Variants in FBXL17 observed in about 807,000 individuals in gnomAD.
FBXL17 encodes the protein F-box and leucine rich repeat protein 17.
In FBXL17, 22 loss-of-function variants were observed where a neutral mutation model predicts 66.2. The observed-to-expected ratio is 0.33, with a 90% CI of 0.24 to 0.47. The LOEUF is 0.47. Ranked by LOEUF, FBXL17 falls within the 20% of genes least tolerant of loss-of-function variation. The probability of loss-of-function intolerance (pLI) is 1.00; values close to 1 mark genes in which losing one functional copy is unlikely to be tolerated. For synonymous variants in FBXL17, 474 were observed against 400.5 expected, an observed-to-expected ratio of 1.18 and a Z score of -2.19; for missense variants, 878 against 948.2, an observed-to-expected ratio of 0.93 and a Z score of 0.97.
chr5:107,913,256 T>G (rs1219959071), intron 7 of FBXL17, among the ~76,000 whole-genome samples: 1 of 151,850 alleles, frequency 6.6e-6, no homozygotes, highest in Non-Finnish European at 1.5e-5. Context: ...GTGGCATTTT[T>G]GTGGAACTGA....
intron 4 of FBXL17, among the ~76,000 whole-genome samples, chr5:108,346,589 C>A (rs1324494203): frequency 6.6e-6 from 1 of 152,048 alleles, no homozygotes; most frequent in African/African-American, 2.4e-5. Context: ...ATTGAGATCA[C>A]CATCCTTTAA....
chr5:107,926,560 T>C (rs974641079), intron 7 of FBXL17, among the ~76,000 whole-genome samples: 1 of 151,836 alleles, frequency 6.6e-6, no homozygotes, highest in Non-Finnish European at 1.5e-5. Flanking sequence ...AATTTGGTGA[T>C]TAATGTGTGT....
At chr5:108,360,104 A>C (rs550279999) in intron 3 of FBXL17, among the ~76,000 whole-genome samples, 1 of 152,276 alleles carries the variant, frequency 6.6e-6, no homozygotes, top group East Asian at 1.9e-4. Flanking sequence ...GGATAATAAA[A>C]CAGCTATTAT....
At chr5:107,919,260 T>C (rs1490395096) in intron 7 of FBXL17, among the ~76,000 whole-genome samples, 1 of 152,198 alleles carries the variant, frequency 6.6e-6, no homozygotes, top group Non-Finnish European at 1.5e-5. Flanking sequence ...CCATATTTGA[T>C]CCATTAGCAT....
intron 4 of FBXL17, among the ~76,000 whole-genome samples, chr5:108,228,074 G>A (rs1755174016): frequency 1.3e-5 from 2 of 152,146 alleles, no homozygotes; most frequent in African/African-American, 4.8e-5. Context: ...AAAAAGTGGG[G>A]TTTGAAAATG....
intron 7 of FBXL17, among the ~76,000 whole-genome samples, chr5:108,017,644 A>G (rs1167159969): frequency 6.6e-6 from 1 of 152,194 alleles, no homozygotes; most frequent in Non-Finnish European, 1.5e-5. Flanking sequence ...TGGAATTTTA[A>G]CCGAACTCTC....
At chr5:108,231,529 G>A (rs147935662) in intron 4 of FBXL17, among the ~76,000 whole-genome samples, 143 of 152,150 alleles carry the variant, frequency 9.4e-4, no homozygotes, top group African/African-American at 2.8e-3. Context: ...ACCATTACCC[G>A]TAGTGATCCA....
At chr5:108,254,156 C>A (rs545669124) in intron 4 of FBXL17, among the ~76,000 whole-genome samples, 1 of 152,212 alleles carries the variant, frequency 6.6e-6, no homozygotes, top group African/African-American at 2.4e-5. Flanking sequence ...AAAGAATTTT[C>A]AAGTTGCATT....
chr5:108,161,161 G>GATACATACATAC (rs36073647), intron 6 of FBXL17, among the ~76,000 whole-genome samples: 20,465 of 149,224 alleles, frequency 0.14, 1,466 homozygotes, highest in South Asian at 0.16. Context: ...TCAACAAATA[G>GATACATACATAC]ATACATACAT....
intron 7 of FBXL17, among the ~76,000 whole-genome samples, chr5:107,886,307 T>C (rs1748968769): frequency 1.3e-5 from 2 of 152,188 alleles, no homozygotes; most frequent in African/African-American, 4.8e-5. Flanking sequence ...GATACATAGA[T>C]AGCTACAGAA....
intron 6 of FBXL17, among the ~76,000 whole-genome samples, chr5:108,069,728 G>C (rs551982376): frequency 6.6e-6 from 1 of 152,290 alleles, no homozygotes; most frequent in Non-Finnish European, 1.5e-5. Flanking sequence ...GTTTCAAAGG[G>C]TGTCATGCCC....
At chr5:108,104,275 G>C (rs1419390549) in intron 6 of FBXL17, among the ~76,000 whole-genome samples, 2 of 152,178 alleles carry the variant, frequency 1.3e-5, no homozygotes, top group Non-Finnish European at 2.9e-5. Context: ...GACCTCAGGT[G>C]ATCTGCCTGC....
At chr5:108,175,232 G>A (rs911728079) in intron 6 of FBXL17, among the ~76,000 whole-genome samples, 1 of 152,136 alleles carries the variant, frequency 6.6e-6, no homozygotes, top group East Asian at 1.9e-4. Context: ...AGGGGTGGAG[G>A]GGGGCTGTGA....
intron 6 of FBXL17, among the ~76,000 whole-genome samples, chr5:108,165,710 G>C (rs1752390823): frequency 6.6e-6 from 1 of 152,166 alleles, no homozygotes; most frequent in Non-Finnish European, 1.5e-5. Context: ...TAGATGGGTT[G>C]TCCTGCTCGG....
chr5:107,987,359 G>A (rs371513325), intron 7 of FBXL17, among the ~76,000 whole-genome samples: 2 of 151,504 alleles, frequency 1.3e-5, no homozygotes, highest in East Asian at 1.9e-4. Context: ...TAATGGTCAG[G>A]AAGGTGAATG....
At chr5:107,943,885 G>T (rs1270577676) in intron 7 of FBXL17, among the ~76,000 whole-genome samples, 1 of 152,166 alleles carries the variant, frequency 6.6e-6, no homozygotes, top group Non-Finnish European at 1.5e-5. Context: ...ATGCTTAAAA[G>T]ACTTTGGTAG....
chr5:108,165,493 G>T (rs1752382707), intron 6 of FBXL17, among the ~76,000 whole-genome samples: 1 of 152,130 alleles, frequency 6.6e-6, no homozygotes, highest in Admixed American at 6.6e-5. Flanking sequence ...GTCAATTCTA[G>T]ACCATGAAAG....
intron 4 of FBXL17, among the ~76,000 whole-genome samples, chr5:108,338,145 A>T (rs1746632446): frequency 6.6e-6 from 1 of 151,918 alleles, no homozygotes; most frequent in South Asian, 2.1e-4. Context: ...ATATTAACCT[A>T]CTAAAAAGAT....
chr5:108,112,790 T>A (rs1481492249), intron 6 of FBXL17, among the ~76,000 whole-genome samples: 1 of 126,788 alleles, frequency 7.9e-6, no homozygotes. Context: ...GATGAAATGG[T>A]ATGCTAATAT....
Sources: allele counts gnomAD v4.1 joint callset (sites outside exome capture counted in the v4.1 genomes callset), GRCh38; gene constraint gnomAD v4.1.1; transcripts MANE v1.5; gene names NCBI Gene and HGNC (gene_info 2026-07-23, HGNC 2026-07-21).